CSMD3: variants seen among roughly 807,000 people sequenced by gnomAD.
The protein encoded by CSMD3 is CUB and sushi domain-containing protein 3.
CSMD3 carries 177 observed loss-of-function variants against 435.2 expected under a neutral mutation model. That is an observed-to-expected ratio of 0.41 (90% CI 0.36 to 0.46). CSMD3 has a LOEUF of 0.46. CSMD3 is among the 20% of genes least tolerant of loss of function. CSMD3 has a pLI of 0.34. For missense variants in CSMD3, 4,265 were observed against 4,504.6 expected (o/e 0.95, Z 1.52); for synonymous variants, 1,656 against 1,520.5 (o/e 1.09, Z -2.07).
intron 13 of CSMD3, among the ~76,000 whole-genome samples, chr8:112,734,952 T>C (rs993508331): frequency 6.6e-6 from 1 of 152,004 alleles, no homozygotes. Flanking sequence ...GGTGCCCCCA[T>C]TTGTAACAAT....
At position 112,472,577 on chromosome 8, in the gene CSMD3, C is replaced by A. The variant is rs955723231; in HGVS notation, c.5395+14G>T. ...CTGGATGAAATACTACATAATGAGT[C>A]GAATCTTACTTACCAAACTCCTTTG... On this transcript the variant is annotated intron_variant, in intron 32 of 70. Coordinates refer to ENST00000297405, the MANE Select transcript of CSMD3 (RefSeq NM_198123.2). 4.5e-6 allele frequency: 6 copies of A among 1,319,088 alleles called. No homozygotes were observed. Among genetic ancestry groups the A allele is most frequent in the African/African-American group, 1.4e-5 (1 of 69,008 alleles). The allele number at this position is 1,319,088 out of a possible 1,614,324, so 81.7% of individuals were successfully genotyped here.
rs2131580806 is a variant in CSMD3 at position 112,636,870 on chromosome 8, A to T, written c.3662T>A (p.Ile1221Asn). 1 of 1,613,624 alleles carries T rather than the reference A, an allele frequency of 6.2e-7. No homozygotes were observed. Among genetic ancestry groups the T allele is most frequent in the East Asian group, 2.2e-5 (1 of 44,840 alleles). The stretch of plus-strand genomic sequence containing the variant: ...CACTCGTCGGCCACCACCAAGACAG[A>T]TGATCTCTGATGTTCCTTCCAGTCG... ...GYRLEGTSEI[I>N]CLGGGRRVWS... The change falls in exon 22 of 71, where the codon ATC (isoleucine) becomes AAC (asparagine). Residue 1221 changes from isoleucine to asparagine, a missense_variant. This residue lies in a region of CSMD3 where 3,255 missense variants were observed against 3,380.2 expected (regional missense o/e 0.96). Coordinates refer to ENST00000297405, the MANE Select transcript of CSMD3 (RefSeq NM_198123.2).
chr8:112,381,018 AAT>A (rs1829421034), intron 37 of CSMD3, among the ~76,000 whole-genome samples: 1 of 152,158 alleles, frequency 6.6e-6, no homozygotes, highest in Non-Finnish European at 1.5e-5. Flanking sequence ...AGAAACACAA[AAT>A]ATGAATAAAA....
intron 22 of CSMD3, among the ~76,000 whole-genome samples, chr8:112,620,424 TGA>T (rs1833976917): frequency 6.6e-6 from 1 of 152,164 alleles, no homozygotes; most frequent in Non-Finnish European, 1.5e-5. Flanking sequence ...ATGTCCCAGC[TGA>T]CAGACAAAAT....
chr8:113,173,696 T>C (rs1736593503), intron 4 of CSMD3, 26 bp downstream of exon 4: 7 of 1,549,670 alleles, frequency 4.5e-6, no homozygotes, highest in South Asian at 2.2e-5. Flanking sequence ...ATAACAACTC[T>C]CATTTTTAAA....
chr8:113,343,077 A>G (rs538694972), intron 1 of CSMD3, among the ~76,000 whole-genome samples: 96 of 152,136 alleles, frequency 6.3e-4, no homozygotes, highest in African/African-American at 2.3e-3. Context: ...ATAAAGGAGA[A>G]GGAGGAGACT....
At chr8:112,967,320 C>T (rs572480704) in intron 7 of CSMD3, among the ~76,000 whole-genome samples, 4 of 151,914 alleles carry the variant, frequency 2.6e-5, no homozygotes, top group South Asian at 2.1e-4. Flanking sequence ...TGCTAATGTC[C>T]ACCAATGGTT....
chr8:112,335,736 TG>T (rs1372569914), intron 44 of CSMD3, among the ~76,000 whole-genome samples: 1 of 140,330 alleles, frequency 7.1e-6, no homozygotes. Flanking sequence ...ACATTGTCTT[TG>T]TTTTTTTTTT....
At position 112,732,252 on chromosome 8, in the gene CSMD3, G is replaced by T. The variant is rs183567647; in HGVS notation, c.1973-42202C>A. ...AAGATGCTAAGGAAGTAAACTATCA[G>T]CATAAACTAACTTAACACAGAGATA... On this transcript the variant is annotated intron_variant, in intron 13 of 70. Coordinates refer to ENST00000297405, the MANE Select transcript of CSMD3 (RefSeq NM_198123.2). Among the ~76,000 whole-genome samples the T allele has an allele frequency of 1.2e-3, 176 of 152,186 alleles. 2 individuals are homozygous for T. The highest frequency in any genetic ancestry group is 4.0e-3 in the African/African-American group (165 of 41,540).
At chr8:113,375,224 C>T (rs1048370183) in intron 1 of CSMD3, among the ~76,000 whole-genome samples, 2 of 151,998 alleles carry the variant, frequency 1.3e-5, no homozygotes, top group African/African-American at 2.4e-5. Context: ...ATTTGCTCCC[C>T]AAATCATTGC....
chr8:112,492,432 A>T (rs2130851182), intron 31 of CSMD3, 57 bp downstream of exon 31: 9 of 1,350,138 alleles, frequency 6.7e-6, no homozygotes, highest in Non-Finnish European at 8.5e-6. Flanking sequence ...AAATGTCTTT[A>T]AATATTTTTT....
In CSMD3 at chr8:112,816,614, T is replaced by C. The variant is rs191755719; in HGVS notation, c.1859+13072A>G. On this transcript the variant is annotated intron_variant, in intron 12 of 70. Transcript: ENST00000297405. ...TGTTCAAGGCAAATATCATGTTTAC[T>C]AGTATGTTGCCAAAAGGAGTAGGGC... Among the ~76,000 whole-genome samples, 5 of 152,162 alleles carry C rather than the reference T, an allele frequency of 3.3e-5. No homozygotes were observed. The East Asian group carries it at 7.7e-4, about 24-fold the overall frequency.
At chr8:112,518,684 A>T (rs1168588948) in intron 27 of CSMD3, among the ~76,000 whole-genome samples, 6 of 150,254 alleles carry the variant, frequency 4.0e-5, no homozygotes, top group Non-Finnish European at 8.9e-5. Context: ...ATTTTTCTTG[A>T]TTTGCTCTGG....
chr8:113,199,367 CATT>C lies in CSMD3; in HGVS notation c.515-25454_515-25452del, dbSNP rs1378840853. 2.0e-5 allele frequency among the ~76,000 whole-genome samples: 3 copies of C among 151,732 alleles called. No individual in the cohort carries two copies. In the East Asian group the frequency reaches 5.8e-4, roughly 29 times the overall value. The stretch of plus-strand genomic sequence containing the variant: ...AAACATTGAAACAGCCTTTATTCAT[CATT>C]GAGAATAACTGGTACCAAGTAGATT... On this transcript the variant is annotated intron_variant, in intron 3 of 70. Transcript: ENST00000297405.
At chr8:112,662,562 T>C (rs975085165) in intron 17 of CSMD3, among the ~76,000 whole-genome samples, 7 of 152,080 alleles carry the variant, frequency 4.6e-5, no homozygotes, top group Admixed American at 3.9e-4. Context: ...CCTAAAACCA[T>C]AAAAACCCTA....
intron 10 of CSMD3, among the ~76,000 whole-genome samples, chr8:112,877,927 T>C (rs2081335171): frequency 6.6e-6 from 1 of 152,066 alleles, no homozygotes; most frequent in African/African-American, 2.4e-5. Flanking sequence ...TCAAGGTGGG[T>C]TATAGACTTA....
chr8:112,658,225 A>G (rs2075301245), intron 17 of CSMD3, among the ~76,000 whole-genome samples: 2 of 152,106 alleles, frequency 1.3e-5, no homozygotes, highest in Admixed American at 6.6e-5. Flanking sequence ...AATGCCCACT[A>G]ATTTTCAGAG....
intron 4 of CSMD3, among the ~76,000 whole-genome samples, chr8:113,123,759 A>G (rs2091048905): frequency 6.6e-6 from 1 of 151,926 alleles, no homozygotes; most frequent in African/African-American, 2.4e-5. Flanking sequence ...TAGAGAGTGC[A>G]TTATTCATAA....
At chr8:113,335,796 T>C (rs2094069729) in intron 1 of CSMD3, among the ~76,000 whole-genome samples, 1 of 152,040 alleles carries the variant, frequency 6.6e-6, no homozygotes, top group Admixed American at 6.6e-5. Flanking sequence ...TGTTGAGTAC[T>C]TCTGTATCTT....
Sources: allele counts gnomAD v4.1 joint callset (sites outside exome capture counted in the v4.1 genomes callset), GRCh38; gene constraint gnomAD v4.1.1; regional missense constraint gnomAD v4.1.1; transcripts MANE v1.5; gene names NCBI Gene and HGNC (gene_info 2026-07-23, HGNC 2026-07-21).